SH3RF2: variants seen among roughly 807,000 people sequenced by gnomAD.
The protein encoded by SH3RF2 is SH3 domain containing ring finger 2.
SH3RF2 carries 43 observed loss-of-function variants against 59.0 expected under a neutral mutation model. The ratio of observed to expected loss-of-function variants is 0.73; its 90% CI spans 0.57 to 0.94. SH3RF2 has a LOEUF of 0.94. Among genes scored for constraint, SH3RF2 ranks in the 40% least tolerant of loss-of-function variants. The probability of loss-of-function intolerance (pLI) is 0.00; values close to 1 mark genes in which losing one functional copy is unlikely to be tolerated. For missense variants in SH3RF2, 930 were observed against 940.1 expected, an observed-to-expected ratio of 0.99 and a Z score of 0.14; for synonymous variants, 391 against 391.5, an observed-to-expected ratio of 1.00 and a Z score of 0.01.
intron 5 of SH3RF2, among the ~76,000 whole-genome samples, chr5:146,042,382 C>T (rs1354448666): frequency 1.3e-5 from 2 of 152,164 alleles, no homozygotes; most frequent in Non-Finnish European, 1.5e-5. Context: ...TGAGCACTTA[C>T]ATTGCGTCAA....
At chr5:146,034,901 C>T (rs1761876491) in intron 5 of SH3RF2, among the ~76,000 whole-genome samples, 1 of 152,112 alleles carries the variant, frequency 6.6e-6, no homozygotes, top group African/African-American at 2.4e-5. Context: ...GAGGTCAGAG[C>T]TGGAGACCAG....
intron 7 of SH3RF2, among the ~76,000 whole-genome samples, chr5:146,049,465 C>T (rs935343362): frequency 6.6e-6 from 1 of 152,210 alleles, no homozygotes; most frequent in Admixed American, 6.5e-5. Flanking sequence ...TATCTCTTAG[C>T]TCACAGGCTG....
Position 145,958,846 on chromosome 5 carries a change from T to C in SH3RF2, c.378+20540T>C, listed in dbSNP as rs182947555. ...CCAGGCTGCAGCATAAAGAATTCCATTGGAAACACGAACACATCCAAGATC... is the reference window on the plus strand; with the variant it reads ...CCAGGCTGCAGCATAAAGAATTCCACTGGAAACACGAACACATCCAAGATC... On this transcript the variant is annotated intron_variant, in intron 2 of 9. Coordinates refer to ENST00000359120, the MANE Select transcript of SH3RF2 (RefSeq NM_152550.4). Among the ~76,000 whole-genome samples the C allele has an allele frequency of 1.6e-3, 245 of 152,286 alleles. 2 individuals are homozygous for C. Among genetic ancestry groups the C allele is most frequent in the South Asian group, 8.1e-3 (39 of 4,824 alleles).
At chr5:146,064,788 G>GAAAGGAAGGAAGGAAGGAAGGAAGGA (rs201977965), downstream of SH3RF2, among the ~76,000 whole-genome samples, 1 of 18,530 alleles carries the variant, frequency 5.4e-5, no homozygotes, top group African/African-American at 1.7e-4. Flanking sequence ...AGGAAGGAAG[G>GAAAGGAAGGAAGGAAGGAAGGAAGGA]AAGGAAGGAA....
intron 2 of SH3RF2, among the ~76,000 whole-genome samples, chr5:145,970,868 A>G (rs1241472932): frequency 6.6e-6 from 1 of 152,182 alleles, no homozygotes; most frequent in Non-Finnish European, 1.5e-5. Context: ...TAATTTATGA[A>G]CATGTAATTT....
intron 1 of SH3RF2, among the ~76,000 whole-genome samples, chr5:145,937,505 G>A (rs1041525263): frequency 1.4e-4 from 21 of 152,170 alleles, no homozygotes; most frequent in Admixed American, 1.2e-3. Flanking sequence ...CCCGGGCAGG[G>A]GGTAAAGGAC....
chr5:146,012,292 G>T (rs960338055), intron 4 of SH3RF2, among the ~76,000 whole-genome samples: 1 of 152,084 alleles, frequency 6.6e-6, no homozygotes, highest in African/African-American at 2.4e-5. Flanking sequence ...TTTTTGCATC[G>T]ATGTTCATCA....
chr5:146,002,529 GA>G lies in SH3RF2; in HGVS notation c.649-1527del, dbSNP rs1561735004. On this transcript the variant is annotated intron_variant, in intron 3 of 9. Coordinates refer to ENST00000359120, the MANE Select transcript of SH3RF2 (RefSeq NM_152550.4). The stretch of plus-strand genomic sequence containing the variant: ...GGAAGGAAGGAAGGAAGGAAGGAAG[GA>G]AGGAAGGATAACCTATAAATGCATA... 5.1e-3 allele frequency among the ~76,000 whole-genome samples: 731 copies of G among 144,214 alleles called. 13 individuals carry two copies. The highest frequency in any genetic ancestry group is 0.019 in the African/African-American group (687 of 36,846). 94.6% of individuals were successfully genotyped at this position (144,214 alleles called of 152,430 possible).
intron 2 of SH3RF2, among the ~76,000 whole-genome samples, chr5:145,998,846 G>A (rs898269453): frequency 6.6e-6 from 1 of 152,148 alleles, no homozygotes; most frequent in African/African-American, 2.4e-5. Context: ...GGGAGGTGGA[G>A]GTTGCAGTGA....
intron 2 of SH3RF2, among the ~76,000 whole-genome samples, chr5:145,956,491 GT>G (rs1758411987): frequency 6.6e-6 from 1 of 152,052 alleles, no homozygotes; most frequent in South Asian, 2.1e-4. Flanking sequence ...GGCCAGGCTG[GT>G]CTCAAACTCC....
At chr5:145,993,582 G>A (rs1262052477) in intron 2 of SH3RF2, among the ~76,000 whole-genome samples, 4 of 152,226 alleles carry the variant, frequency 2.6e-5, no homozygotes, top group Non-Finnish European at 4.4e-5. Flanking sequence ...AACACCAAGT[G>A]GAAGCTGCCA....
At chr5:146,063,896 T>TA (rs1290238533), downstream of SH3RF2, among the ~76,000 whole-genome samples, 2 of 152,074 alleles carry the variant, frequency 1.3e-5, no homozygotes, top group African/African-American at 4.8e-5. Flanking sequence ...CACAACATGC[T>TA]AAAAAACAAC....
Position 146,056,097 on chromosome 5 carries a change from G to A in SH3RF2, c.1439G>A (p.Arg480His), listed in dbSNP as rs368163474. 345 of 1,614,224 alleles carry A rather than the reference G, an allele frequency of 2.1e-4. 5 individuals are homozygous for A. The South Asian group carries it at 2.6e-3, about 12-fold the overall frequency. Reference protein sequence around the residue: ...SISEGDPRQSRPFKSVFVPTA... With the variant: ...SISEGDPRQSHPFKSVFVPTA... The stretch of plus-strand genomic sequence containing the variant: ...TCAGAAGGTGATCCACGGCAAAGCC[G>A]TCCCTTCAAATCCGTCTTTGTGCCC... Residue 480 changes from arginine (R) to histidine (H), a missense_variant, in exon 8 of 10, where the codon CGT (arginine) becomes CAT (histidine). Transcript: ENST00000359120.
chr5:146,005,987 A>G (rs1760629795), intron 4 of SH3RF2, among the ~76,000 whole-genome samples: 1 of 152,196 alleles, frequency 6.6e-6, no homozygotes, highest in South Asian at 2.1e-4. Context: ...CATATGTTTA[A>G]TTATTCACTA....
At chr5:145,951,332 C>T (rs1044279582) in intron 2 of SH3RF2, among the ~76,000 whole-genome samples, 1 of 152,204 alleles carries the variant, frequency 6.6e-6, no homozygotes, top group Non-Finnish European at 1.5e-5. Flanking sequence ...CTGCCTCCCT[C>T]ATGCAAGGAG....
chr5:145,944,911 T>C (rs1757953176), intron 2 of SH3RF2, among the ~76,000 whole-genome samples: 1 of 152,200 alleles, frequency 6.6e-6, no homozygotes, highest in South Asian at 2.1e-4. Flanking sequence ...CTCTGCAGTA[T>C]TTATTTAGTT....
intron 5 of SH3RF2, among the ~76,000 whole-genome samples, chr5:146,020,303 T>C (rs1761266438): frequency 6.6e-6 from 1 of 152,212 alleles, no homozygotes; most frequent in Non-Finnish European, 1.5e-5. Context: ...CACACGTGCA[T>C]ACACATAAAA....
At chr5:146,013,221 G>A (rs1166671387) in intron 4 of SH3RF2, among the ~76,000 whole-genome samples, 3 of 152,186 alleles carry the variant, frequency 2.0e-5, no homozygotes, top group Non-Finnish European at 4.4e-5. Context: ...AGAGAATCAT[G>A]TGTAGAAGGT....
intron 2 of SH3RF2, among the ~76,000 whole-genome samples, chr5:145,940,662 T>G (rs1757781983): frequency 6.6e-6 from 1 of 152,202 alleles, no homozygotes; most frequent in Admixed American, 6.5e-5. Context: ...TTTACTGCCT[T>G]AGAAAACATC....
Sources: gnomAD v4.1 joint callset for allele counts (sites outside exome capture counted in the v4.1 genomes callset) on GRCh38, gnomAD v4.1.1 for gene constraint, MANE v1.5 for transcripts, NCBI Gene and HGNC (gene_info 2026-07-23, HGNC 2026-07-21) for gene names.